Variants in SLC26A2 observed in about 807,000 individuals in gnomAD.
SLC26A2 encodes sulfate transporter.
A neutral mutation model predicts 41.1 loss-of-function variants in SLC26A2; 36 were observed. The ratio of observed to expected loss-of-function variants is 0.88; its 90% CI spans 0.67 to 1.16. The LOEUF is 1.16. Among genes scored for constraint, SLC26A2 ranks in the 50% most tolerant of loss-of-function variants. The probability of loss-of-function intolerance (pLI) is 0.00; values close to 1 mark genes in which losing one functional copy is unlikely to be tolerated. For synonymous variants in SLC26A2, 291 were observed against 311.6 expected, an observed-to-expected ratio of 0.93 and a Z score of 0.70; for missense variants, 796 against 869.6, an observed-to-expected ratio of 0.92 and a Z score of 1.07.
At chr5:149,966,170 G>A (rs1754802223) in intron 1 of SLC26A2, among the ~76,000 whole-genome samples, 1 of 152,186 alleles carries the variant, frequency 6.6e-6, no homozygotes, top group Admixed American at 6.5e-5. Flanking sequence ...CTTCCGAAGT[G>A]CTGAGATTAT....
intron 1 of SLC26A2, among the ~76,000 whole-genome samples, chr5:149,966,321 A>C (rs574494878): frequency 1.3e-5 from 2 of 152,140 alleles, no homozygotes; most frequent in Non-Finnish European, 2.9e-5. Flanking sequence ...TTTAGTTTGA[A>C]CTGTCTCATG....
chr5:149,961,466 C>G (rs1561808743), intron 1 of SLC26A2, among the ~76,000 whole-genome samples: 1 of 152,316 alleles, frequency 6.6e-6, no homozygotes, highest in East Asian at 1.9e-4. Context: ...GACTCACACA[C>G]TAAGTTGGTA....
At chr5:149,968,900 C>T (rs937487996) in intron 1 of SLC26A2, among the ~76,000 whole-genome samples, 2 of 151,810 alleles carry the variant, frequency 1.3e-5, no homozygotes, top group African/African-American at 2.4e-5. Context: ...CACCACCACA[C>T]CCAGCTAATT....
At position 149,969,704 on chromosome 5, in the gene SLC26A2, A is replaced by G. The variant is rs34047368; in HGVS notation, c.-25-7924A>G. On this transcript the variant is annotated intron_variant, in intron 1 of 2. Transcript: ENST00000286298. ...AACTCGTGACTTCTTGGAATTGCAT[A>G]AAAACTAATCCTTCACTCCAGCCTT... Among the ~76,000 whole-genome samples the G allele has an allele frequency of 5.2e-3, 788 of 152,368 alleles. 3 individuals carry two copies. The highest frequency in any genetic ancestry group is 8.5e-3 in the Admixed American group (130 of 15,298).
At chr5:149,979,491 A>G (rs1451117912) in intron 2 of SLC26A2, among the ~76,000 whole-genome samples, 2 of 152,124 alleles carry the variant, frequency 1.3e-5, no homozygotes, top group African/African-American at 4.8e-5. Flanking sequence ...TGATCCTCCC[A>G]ATATTGCCTC....
In SLC26A2 at chr5:149,960,779, G is replaced by C. The variant is rs977399268; in HGVS notation, c.-226G>C. On this transcript the variant is annotated 5_prime_UTR_variant, in exon 1 of 3. Transcript: ENST00000286298. ...GGGCGTTTACACTGGCTCTGCCTCC[G>C]GCATCTCTTCGCCGGTGCGTCCTCG... The C allele has an allele frequency of 4.6e-5, 7 of 152,294 alleles. No individual in the cohort carries two copies. Among genetic ancestry groups the C allele is most frequent in the African/African-American group, 9.6e-5 (4 of 41,474 alleles). 9.4% of individuals were successfully genotyped at this position (152,294 alleles called of 1,614,324 possible). A position where few individuals can be genotyped will look rare whatever the true frequency, so the allele number is the denominator to read the frequency against.
rs1755072978 is a variant in SLC26A2 at position 149,980,426 on chromosome 5, C to T, written c.833C>T (p.Pro278Leu). 1 of 1,613,984 alleles carries T rather than the reference C, an allele frequency of 6.2e-7. No homozygotes were observed. Among genetic ancestry groups the T allele is most frequent in the South Asian group, 1.1e-5 (1 of 91,082 alleles). Residue 278 changes from proline to leucine, a missense_variant, in exon 3 of 3, where the codon CCT (proline) becomes CTT (leucine). By Grantham distance (98) the Pro-to-Leu change is moderately conservative. Transcript: ENST00000286298. Reference protein sequence around the residue: ...QAKYLLGLNLPRTNGVGSLIT... With the variant: ...QAKYLLGLNLLRTNGVGSLIT... ...AAGTATCTTCTTGGGCTCAACCTTC[C>T]TCGGACTAATGGTGTGGGCTCACTC...
rs886060226 is a variant in SLC26A2 at position 149,981,866 on chromosome 5, C to G, written c.*53C>G. ...GCCAATAGGTTAAAATTTCAAGTGT[C>G]CAACATTTCCCAGTTCCACAGTGGG... On this transcript the variant is annotated 3_prime_UTR_variant, in exon 3 of 3. Coordinates refer to ENST00000286298, the MANE Select transcript of SLC26A2 (RefSeq NM_000112.4). The G allele has an allele frequency of 8.6e-6, 12 of 1,390,436 alleles. No individual in the cohort carries two copies. The highest frequency in any genetic ancestry group is 2.4e-5 in the South Asian group (2 of 83,110). The allele number at this position is 1,390,436 out of a possible 1,614,324, so 86.1% of individuals were successfully genotyped here. A position where few individuals can be genotyped will look rare whatever the true frequency, so the allele number is the denominator to read the frequency against.
chr5:149,967,377 C>T (rs192123953), intron 1 of SLC26A2, among the ~76,000 whole-genome samples: 1 of 152,144 alleles, frequency 6.6e-6, no homozygotes, highest in Non-Finnish European at 1.5e-5. Flanking sequence ...TCTCCTCATG[C>T]CCCTTTGTAA....
chr5:149,971,022 G>A (rs1754890631), intron 1 of SLC26A2, among the ~76,000 whole-genome samples: 1 of 152,238 alleles, frequency 6.6e-6, no homozygotes, highest in South Asian at 2.1e-4. Flanking sequence ...AGCCAATCCA[G>A]CTGGAGAAGG....
chr5:149,969,603 T>A (rs1754866664), intron 1 of SLC26A2, among the ~76,000 whole-genome samples: 1 of 152,216 alleles, frequency 6.6e-6, no homozygotes, highest in Non-Finnish European at 1.5e-5. Context: ...TACCTAGTTG[T>A]ACCACTGAAA....
chr5:149,984,693 T>C lies in SLC26A2; in HGVS notation c.*2880T>C, dbSNP rs1263575838. On this transcript the variant is annotated 3_prime_UTR_variant, in exon 3 of 3. Transcript: ENST00000286298. ...CAAACAAAAAACTGTTTTCATTTGC[T>C]CTCTTGACCAAAGGATAGGACTTTA... is the stretch of plus-strand genomic sequence containing the variant. 2 of 152,180 alleles carry C rather than the reference T, an allele frequency of 1.3e-5. No homozygotes were observed. The allele number at this position is 152,180 out of a possible 1,614,324, so 9.4% of individuals were successfully genotyped here.
chr5:149,963,183 C>T (rs1581224568), intron 1 of SLC26A2, among the ~76,000 whole-genome samples: 1 of 152,164 alleles, frequency 6.6e-6, no homozygotes, highest in East Asian at 1.9e-4. Flanking sequence ...CATCTTGGCT[C>T]ACTGCAATCT....
chr5:149,977,016 A>G (rs962084270), intron 1 of SLC26A2, among the ~76,000 whole-genome samples: 6 of 152,202 alleles, frequency 3.9e-5, no homozygotes, highest in African/African-American at 1.4e-4. Context: ...CTACCAAGCA[A>G]GGGAGTACTG....
At position 149,966,792 on chromosome 5, in the gene SLC26A2, A is replaced by T. The variant is rs571034331; in HGVS notation, c.-26+5813A>T. ...CCTGTATCTGATTAATATGTCATCA[A>T]ATCTATCCAATGAAGCTGTCATATT... On this transcript the variant is annotated intron_variant, in intron 1 of 2. Coordinates refer to ENST00000286298, the MANE Select transcript of SLC26A2 (RefSeq NM_000112.4). Among the ~76,000 whole-genome samples the T allele has an allele frequency of 2.6e-5, 4 of 152,258 alleles. No homozygotes were observed. The East Asian group carries it at 7.7e-4, about 29-fold the overall frequency.
At position 149,981,194 on chromosome 5, in the gene SLC26A2, G is replaced by T; in HGVS notation, c.1601G>T (p.Gly534Val). 6.2e-7 allele frequency: 1 copy of T among 1,614,066 alleles called. No homozygotes were observed. The highest frequency in any genetic ancestry group is 8.5e-7 in the Non-Finnish European group (1 of 1,179,996). The stretch of plus-strand genomic sequence containing the variant: ...AGTACTGAAATAGGCCTACTTGTTG[G>T]GGTTTGTTTTTCTATATTTTGTGTC... ...LLSTEIGLLV[G>V]VCFSIFCVIL... Residue 534 changes from glycine (G) to valine (V), a missense_variant, in exon 3 of 3, where the codon GGG (glycine) becomes GTG (valine). Transcript: ENST00000286298.
At chr5:149,964,586 G>C (rs1167586098) in intron 1 of SLC26A2, among the ~76,000 whole-genome samples, 1 of 152,084 alleles carries the variant, frequency 6.6e-6, no homozygotes, top group Admixed American at 6.6e-5. Context: ...GACCATCCTG[G>C]CTAACACGGT....
In SLC26A2 at chr5:149,981,791, G is replaced by A. The variant is rs1233927699; in HGVS notation, c.2198G>A (p.Gly733Asp). Residue 733 changes from glycine to aspartate, a missense_variant, in exon 3 of 3, where the codon GGT becomes GAT. Coordinates refer to ENST00000286298, the MANE Select transcript of SLC26A2 (RefSeq NM_000112.4). ...CAGAAAGGAGTATGTGTTCCCAATG[G>A]TCTGAGTCTTAGTAGTGATTAATTG... ...KNQKGVCVPN[G>D]LSLSSD The A allele has an allele frequency of 6.2e-7, 1 of 1,612,542 alleles. No homozygotes were observed. The highest frequency in any genetic ancestry group is 1.7e-5 in the Admixed American group (1 of 59,918).
chr5:149,961,324 C>G (rs932334365), intron 1 of SLC26A2, among the ~76,000 whole-genome samples: 2 of 152,296 alleles, frequency 1.3e-5, no homozygotes, highest in Middle Eastern at 3.4e-3. Context: ...GAATAGGGAT[C>G]GAGGAGATAG....
Sources: allele counts gnomAD v4.1 joint callset (sites outside exome capture counted in the v4.1 genomes callset), GRCh38; gene constraint gnomAD v4.1.1; transcripts MANE v1.5; gene names NCBI Gene and HGNC (gene_info 2026-07-23, HGNC 2026-07-21).